The following NXPE2 variants were observed in gnomAD, a reference collection of about 807,000 sequenced individuals.
The protein encoded by NXPE2 is neurexophilin and PC-esterase domain family member 2.
NXPE2 carries 34 observed loss-of-function variants against 34.4 expected under a neutral mutation model. That is an observed-to-expected ratio of 0.99 (90% CI 0.75 to 1.31). The LOEUF is 1.31. NXPE2 is among the 40% of genes most tolerant of loss of function. The pLI is 0.00. For synonymous variants in NXPE2, 235 were observed against 231.3 expected (o/e 1.02, Z -0.15); for missense variants, 649 against 672.5 (o/e 0.97, Z 0.39).
chr11:114,662,819 G>A, the NXPE2 span, among the ~76,000 whole-genome samples: 1 of 152,090 alleles, frequency 6.6e-6, no homozygotes, highest in African/African-American at 2.4e-5. Flanking sequence ...CTGCTGCCTC[G>A]AAGGAAAGGA....
At chr11:114,551,062 G>A in the NXPE2 span, 14 of 1,094,764 alleles carry the variant, frequency 1.3e-5, no homozygotes, top group African/African-American at 2.0e-4. Context: ...CACAGGTGAG[G>A]GCTTACTGTG....
At chr11:114,586,849 C>T in the NXPE2 span, among the ~76,000 whole-genome samples, 166 of 152,238 alleles carry the variant, frequency 1.1e-3, no homozygotes, top group African/African-American at 3.6e-3. Flanking sequence ...TTTTACAGTT[C>T]GGTGAAGTAA....
chr11:114,778,571 T>C, the NXPE2 span, among the ~76,000 whole-genome samples: 2 of 151,980 alleles, frequency 1.3e-5, no homozygotes, highest in African/African-American at 2.4e-5. Flanking sequence ...GAGGACAGAT[T>C]TGAGAGATAA....
the NXPE2 span, among the ~76,000 whole-genome samples, chr11:114,620,520 T>G: frequency 4.1e-5 from 6 of 147,304 alleles, no homozygotes; most frequent in African/African-American, 1.0e-4. Flanking sequence ...GGTAACCACT[T>G]TAAGGCGGTA....
At chr11:114,611,416 T>C in the NXPE2 span, among the ~76,000 whole-genome samples, 2 of 151,708 alleles carry the variant, frequency 1.3e-5, no homozygotes, top group Non-Finnish European at 2.9e-5. Context: ...GGATAATAAG[T>C]ATTGCCTCTA....
chr11:114,638,632 A>T, the NXPE2 span, among the ~76,000 whole-genome samples: 1 of 151,956 alleles, frequency 6.6e-6, no homozygotes, highest in Admixed American at 6.6e-5. Context: ...TGATGTACAG[A>T]TAGGTTTTTG....
chr11:114,469,180 T>C, the NXPE2 span, among the ~76,000 whole-genome samples: 1 of 140,728 alleles, frequency 7.1e-6, no homozygotes, highest in Non-Finnish European at 1.5e-5. Context: ...TGTGGTGCGA[T>C]GACTCACTGC....
At chr11:114,623,844 TAA>T in the NXPE2 span, among the ~76,000 whole-genome samples, 1 of 152,024 alleles carries the variant, frequency 6.6e-6, no homozygotes, top group East Asian at 1.9e-4. Context: ...TGGTGGATAA[TAA>T]GTGTTGCCTC....
the NXPE2 span, chr11:114,580,170 A>G: frequency 6.2e-7 from 1 of 1,614,076 alleles, no homozygotes; most frequent in Non-Finnish European, 8.5e-7. Flanking sequence ...CCACTGGCGG[A>G]TCGTGGAATC....
At chr11:114,726,798 C>G in the NXPE2 span, among the ~76,000 whole-genome samples, 1 of 152,070 alleles carries the variant, frequency 6.6e-6, no homozygotes, top group Admixed American at 6.6e-5. Context: ...CACTAGAACT[C>G]AAACACGGTT....
At position 114,706,476 on chromosome 11, in the gene NXPE2, A is replaced by G. The variant is rs908210492; in HGVS notation, c.1226A>G (p.Gln409Arg). Residue 409 changes from glutamine to arginine, a missense_variant, in exon 6 of 6, where the codon CAG (glutamine) becomes CGG (arginine). Coordinates refer to ENST00000389586, the MANE Select transcript of NXPE2 (RefSeq NM_182495.6). ...GATGTTGAAAGACATATTTTGATTC[A>G]GTGGAAAAAACATGGTCATCCATTT... Reference protein sequence around the residue: ...LLDVERHILIQWKKHGHPFVT... With the variant: ...LLDVERHILIRWKKHGHPFVT... The G allele has an allele frequency of 6.4e-7, 1 of 1,551,512 alleles. No individual in the cohort carries two copies. Among genetic ancestry groups the G allele is most frequent in the African/African-American group, 1.4e-5 (1 of 73,054 alleles).
chr11:114,766,852 A>G, the NXPE2 span, among the ~76,000 whole-genome samples: 355 of 152,262 alleles, frequency 2.3e-3, 2 homozygotes, highest in African/African-American at 8.2e-3. Flanking sequence ...AAACTACTAC[A>G]GTGCTGGGCA....
intron 3 of NXPE2, 131 bp from the exon 4 acceptor site, chr11:114,703,860 G>C: frequency 1.5e-6 from 1 of 670,378 alleles, no homozygotes; most frequent in Middle Eastern, 2.7e-4. Flanking sequence ...ACTTCCCCAG[G>C]ATATCTTAAA....
the NXPE2 span, among the ~76,000 whole-genome samples, chr11:114,503,319 T>C: frequency 6.6e-6 from 1 of 152,134 alleles, no homozygotes; most frequent in African/African-American, 2.4e-5. Flanking sequence ...AAACATTTCC[T>C]GTGTGAAAGA....
the NXPE2 span, among the ~76,000 whole-genome samples, chr11:114,748,759 C>T: frequency 6.6e-6 from 1 of 152,160 alleles, no homozygotes; most frequent in Non-Finnish European, 1.5e-5. Context: ...TTCTCCACAA[C>T]AAAGTCATTC....
chr11:114,647,949 C>A, the NXPE2 span, among the ~76,000 whole-genome samples: 2 of 152,154 alleles, frequency 1.3e-5, no homozygotes, highest in Non-Finnish European at 2.9e-5. Flanking sequence ...ATCCACCTGC[C>A]TTGGCCTCCC....
chr11:114,571,585 T>A, the NXPE2 span: 1 of 1,001,782 alleles, frequency 1.0e-6, no homozygotes, highest in Non-Finnish European at 1.5e-6. Flanking sequence ...TAATCATGTC[T>A]AATTTATTAT....
At chr11:114,700,120 C>G (rs977283810) in intron 3 of NXPE2, among the ~76,000 whole-genome samples, 7 of 152,278 alleles carry the variant, frequency 4.6e-5, no homozygotes, top group African/African-American at 1.7e-4. Flanking sequence ...AAGTAGTCAG[C>G]ACCTTCTGTA....
chr11:114,554,299 C>A, the NXPE2 span: 2 of 979,724 alleles, frequency 2.0e-6, no homozygotes, highest in African/African-American at 3.5e-5. Flanking sequence ...TAAGCAGAGG[C>A]CATGTGTGCC....
Sources: gnomAD v4.1 joint callset for allele counts (sites outside exome capture counted in the v4.1 genomes callset) on GRCh38, gnomAD v4.1.1 for gene constraint, MANE v1.5 for transcripts, NCBI Gene and HGNC (gene_info 2026-07-23, HGNC 2026-07-21) for gene names.